SNTG2: variants seen among roughly 807,000 people sequenced by gnomAD.
SNTG2 encodes syntrophin gamma 2.
SNTG2 carries 74 observed loss-of-function variants against 70.9 expected under a neutral mutation model. That is an observed-to-expected ratio of 1.04 (90% CI 0.86 to 1.27). The LOEUF (loss-of-function observed/expected upper bound fraction) is 1.27. Among genes scored for constraint, SNTG2 ranks in the 50% most tolerant of loss-of-function variants. The pLI is 0.00. For missense variants in SNTG2, 717 were observed against 690.7 expected, an observed-to-expected ratio of 1.04 and a Z score of -0.43; for synonymous variants, 278 against 273.8, an observed-to-expected ratio of 1.02 and a Z score of -0.15.
At chr2:983,051 G>GAGGT (rs1257285829) in intron 1 of SNTG2, among the ~76,000 whole-genome samples, 1 of 152,030 alleles carries the variant, frequency 6.6e-6, no homozygotes, top group African/African-American at 2.4e-5. Context: ...TGCAGAGGTG[G>GAGGT]TGTCAGGATG....
chr2:1,168,250 C>G (rs28675780), intron 7 of SNTG2, among the ~76,000 whole-genome samples: 79 of 92,738 alleles, frequency 8.5e-4, no homozygotes, highest in Admixed American at 3.0e-3. Context: ...CTGAAGCCTA[C>G]AGGCCGCCCA....
intron 6 of SNTG2, 147 bp from the exon 7 acceptor site, chr2:1,165,401 C>T: frequency 1.4e-6 from 1 of 732,048 alleles, no homozygotes; most frequent in Non-Finnish European, 2.3e-6. Flanking sequence ...TTTACTCCAG[C>T]TGAAGCCCAC....
Position 1,043,542 on chromosome 2 carries a change from GT to G in SNTG2, c.73-39968del, listed in dbSNP as rs201942537. On this transcript the variant is annotated intron_variant, in intron 1 of 16. Coordinates refer to ENST00000308624, the MANE Select transcript of SNTG2 (RefSeq NM_018968.4). ...CCAAGTTTCTTCTAGGATTTTTATA[GT>G]TTTTTTTACATTTAAGTCTTTAATC... Among the ~76,000 whole-genome samples the G allele has an allele frequency of 4.6e-3, 696 of 151,866 alleles. 15 individuals are homozygous for G. The highest frequency in any genetic ancestry group is 0.039 in the Admixed American group (600 of 15,238).
intron 1 of SNTG2, among the ~76,000 whole-genome samples, chr2:982,067 C>T (rs1296799183): frequency 1.3e-5 from 2 of 152,266 alleles, no homozygotes; most frequent in African/African-American, 4.8e-5. Context: ...CACACCCACA[C>T]ACATGCATCT....
At chr2:1,207,669 C>T (rs913785029) in intron 8 of SNTG2, among the ~76,000 whole-genome samples, 28 of 152,046 alleles carry the variant, frequency 1.8e-4, no homozygotes, top group African/African-American at 5.3e-4. Flanking sequence ...TGTAGAGAGT[C>T]GTATGGAAAC....
intron 1 of SNTG2, among the ~76,000 whole-genome samples, chr2:1,025,021 T>C (rs1660394480): frequency 6.6e-6 from 1 of 152,214 alleles, no homozygotes; most frequent in Non-Finnish European, 1.5e-5. Flanking sequence ...AGATAACTTA[T>C]CTAAAAGATC....
At position 1,004,602 on chromosome 2, in the gene SNTG2, G is replaced by A. The variant is rs141794816; in HGVS notation, c.72+53534G>A. Among the ~76,000 whole-genome samples the A allele has an allele frequency of 2.4e-3, 360 of 152,272 alleles. 3 individuals carry two copies. Among genetic ancestry groups the A allele is most frequent in the African/African-American group, 8.1e-3 (338 of 41,550 alleles). ...TGTCAGGGAATTGCAAATTACAGCC[G>A]CAATGAGACAACCCTACACCACTGT... On this transcript the variant is annotated intron_variant, in intron 1 of 16. Coordinates refer to ENST00000308624, the MANE Select transcript of SNTG2 (RefSeq NM_018968.4).
In SNTG2 at chr2:1,072,407, C is replaced by G. The variant is rs552494260; in HGVS notation, c.73-11111C>G. Among the ~76,000 whole-genome samples, 286 of 139,078 alleles carry G rather than the reference C, an allele frequency of 2.1e-3. 1 individual carries two copies. Among genetic ancestry groups the G allele is most frequent in the African/African-American group, 7.3e-3 (273 of 37,152 alleles). The allele number at this position is 139,078 out of a possible 152,430, so 91.2% of individuals were successfully genotyped here. ...TAGGGCCCTTAAGCATAATGCTAAA[C>G]CTACTCTGCCTGTGCTTTATAAATA... On this transcript the variant is annotated intron_variant, in intron 1 of 16. Transcript: ENST00000308624.
chr2:1,287,692 G>T (rs1210974956), intron 14 of SNTG2, among the ~76,000 whole-genome samples: 1 of 152,224 alleles, frequency 6.6e-6, no homozygotes, highest in Non-Finnish European at 1.5e-5. Flanking sequence ...ATTCTCATTG[G>T]AGGGCCGGGG....
intron 1 of SNTG2, among the ~76,000 whole-genome samples, chr2:978,337 C>T (rs1252943555): frequency 2.6e-5 from 4 of 152,132 alleles, no homozygotes; most frequent in Non-Finnish European, 4.4e-5. Flanking sequence ...CATTATTCAA[C>T]GTTCTTTTTT....
intron 9 of SNTG2, among the ~76,000 whole-genome samples, chr2:1,216,272 T>A (rs561908232): frequency 3.9e-5 from 6 of 152,298 alleles, no homozygotes; most frequent in East Asian, 1.9e-4. Flanking sequence ...TGGTATCTCA[T>A]TGTGGTTTTG....
chr2:1,155,994 AGGC>A (rs1280320034), intron 6 of SNTG2, among the ~76,000 whole-genome samples: 35 of 152,186 alleles, frequency 2.3e-4, no homozygotes, highest in Admixed American at 4.6e-4. Context: ...AGGCCAGGCC[AGGC>A]CAGGACACCG....
intron 16 of SNTG2, among the ~76,000 whole-genome samples, chr2:1,339,044 T>C (rs1468262900): frequency 6.6e-6 from 1 of 152,228 alleles, no homozygotes; most frequent in Non-Finnish European, 1.5e-5. Context: ...TTTTAAAATA[T>C]TATAGCCATT....
chr2:1,179,501 A>C (rs2147903795), intron 8 of SNTG2, among the ~76,000 whole-genome samples: 1 of 152,232 alleles, frequency 6.6e-6, no homozygotes, highest in South Asian at 2.1e-4. Context: ...TAGGAATCCA[A>C]CTTACAAGGG....
At chr2:1,306,658 G>A (rs573686656) in intron 14 of SNTG2, among the ~76,000 whole-genome samples, 9 of 150,932 alleles carry the variant, frequency 6.0e-5, no homozygotes, top group African/African-American at 2.2e-4. Flanking sequence ...GACCTGACTG[G>A]CTCCAGCCTC....
At chr2:1,155,172 C>CACACA (rs1553340385) in intron 6 of SNTG2, among the ~76,000 whole-genome samples, 41 of 26,002 alleles carry the variant, frequency 1.6e-3, no homozygotes, top group South Asian at 8.6e-3. Flanking sequence ...CACGTAGACC[C>CACACA]CCCCCCCACA....
intron 15 of SNTG2, among the ~76,000 whole-genome samples, chr2:1,314,122 A>G (rs1681151662): frequency 6.6e-6 from 1 of 152,214 alleles, no homozygotes; most frequent in African/African-American, 2.4e-5. Flanking sequence ...AATTTAGGTT[A>G]TTCCCAGGAC....
chr2:1,012,128 C>T (rs767067802), intron 1 of SNTG2, among the ~76,000 whole-genome samples: 1 of 152,210 alleles, frequency 6.6e-6, no homozygotes, highest in Non-Finnish European at 1.5e-5. Flanking sequence ...GCCTCCTCTT[C>T]TCCCTGACAA....
At chr2:1,284,659 T>G (rs1178823175) in intron 14 of SNTG2, among the ~76,000 whole-genome samples, 1 of 152,218 alleles carries the variant, frequency 6.6e-6, no homozygotes, top group Non-Finnish European at 1.5e-5. Flanking sequence ...ATTGGCCTTA[T>G]CTTTTAAAAT....
Sources: allele counts gnomAD v4.1 joint callset (sites outside exome capture counted in the v4.1 genomes callset), GRCh38; gene constraint gnomAD v4.1.1; transcripts MANE v1.5; gene names NCBI Gene and HGNC (gene_info 2026-07-23, HGNC 2026-07-21).